The following CCDC6 variants were observed in gnomAD, a reference collection of about 807,000 sequenced individuals.
CCDC6 encodes the protein coiled-coil domain-containing protein 6.
Under a neutral mutation model 56.6 loss-of-function variants are expected in CCDC6, and 20 were observed. The ratio of observed to expected loss-of-function variants is 0.35; its 90% CI spans 0.25 to 0.51. CCDC6 has a LOEUF of 0.51. CCDC6 is among the 20% of genes least tolerant of loss of function. The pLI is 0.95. For synonymous variants in CCDC6, 241 were observed against 234.4 expected (o/e 1.03, Z -0.26); for missense variants, 367 against 601.1 (o/e 0.61, Z 4.07).
At chr10:59,842,947 G>GT (rs2070953942) in intron 2 of CCDC6, among the ~76,000 whole-genome samples, 1 of 151,998 alleles carries the variant, frequency 6.6e-6, no homozygotes, top group Admixed American at 6.5e-5. Context: ...TAGAGACGGG[G>GT]TTTCACCGTG....
At chr10:59,856,345 TAAA>T (rs59039796) in intron 1 of CCDC6, among the ~76,000 whole-genome samples, 88 of 137,606 alleles carry the variant, frequency 6.4e-4, no homozygotes, top group Middle Eastern at 3.9e-3. Flanking sequence ...CAGCCTTAGG[TAAA>T]AAAAAAAAAA....
intron 1 of CCDC6, among the ~76,000 whole-genome samples, chr10:59,876,954 A>G (rs1205575850): frequency 1.3e-5 from 2 of 152,200 alleles, no homozygotes; most frequent in Non-Finnish European, 2.9e-5. Context: ...CTACACACCT[A>G]GGCTATGTGG....
chr10:59,865,755 A>C (rs1443926033), intron 1 of CCDC6, among the ~76,000 whole-genome samples: 3 of 150,656 alleles, frequency 2.0e-5, no homozygotes, highest in African/African-American at 7.3e-5. Context: ...AGGAGGCTAA[A>C]GCAGGAGAAT....
chr10:59,838,228 T>TCACA (rs111779783), intron 2 of CCDC6, among the ~76,000 whole-genome samples: 10,030 of 151,152 alleles, frequency 0.066, 409 homozygotes, highest in African/African-American at 0.11. Flanking sequence ...ATAACAGCTG[T>TCACA]CACACACACA....
intron 1 of CCDC6, among the ~76,000 whole-genome samples, chr10:59,854,275 G>A (rs943196934): frequency 1.3e-5 from 2 of 152,086 alleles, no homozygotes; most frequent in East Asian, 1.9e-4. Flanking sequence ...TAATATCCAC[G>A]GTTTCTGTGG....
At chr10:59,802,581 T>G (rs555406581) in intron 7 of CCDC6, among the ~76,000 whole-genome samples, 1 of 152,156 alleles carries the variant, frequency 6.6e-6, no homozygotes, top group Non-Finnish European at 1.5e-5. Flanking sequence ...TAAAACAGGA[T>G]AAAAATATTC....
At chr10:59,887,860 C>A (rs1292530580) in intron 1 of CCDC6, among the ~76,000 whole-genome samples, 2 of 151,962 alleles carry the variant, frequency 1.3e-5, no homozygotes, top group South Asian at 2.1e-4. Flanking sequence ...GAGAAAGAAC[C>A]CTAGCCTGGA....
In CCDC6 at chr10:59,848,223, G is replaced by A. The variant is rs141207959; in HGVS notation, c.453+4330C>T. On this transcript the variant is annotated intron_variant, in intron 2 of 8. Coordinates refer to ENST00000263102, the MANE Select transcript of CCDC6 (RefSeq NM_005436.5). The stretch of plus-strand genomic sequence containing the variant: ...CACTGGGTAAGTAATTTTCTTACTT[G>A]TTCTTAACTAATCTCTTTTAAAGTA... Among the ~76,000 whole-genome samples, 57 of 152,232 alleles carry A rather than the reference G, an allele frequency of 3.7e-4. 1 individual carries two copies. The highest frequency in any genetic ancestry group is 1.3e-3 in the African/African-American group (56 of 41,530).
chr10:59,873,923 G>C lies in CCDC6; in HGVS notation c.304-21221C>G, dbSNP rs539478369. On this transcript the variant is annotated intron_variant, in intron 1 of 8. Coordinates refer to ENST00000263102, the MANE Select transcript of CCDC6 (RefSeq NM_005436.5). ...CATCTTAAATCTTCTATATGAGAAT[G>C]AATGTTCCCCATTCCTATGATGTTG... Among the ~76,000 whole-genome samples the C allele has an allele frequency of 3.3e-5, 5 of 152,256 alleles. No homozygotes were observed. The South Asian group carries it at 1.0e-3, about 32-fold the overall frequency.
At chr10:59,807,571 A>G (rs562763361) in intron 5 of CCDC6, among the ~76,000 whole-genome samples, 28 of 152,250 alleles carry the variant, frequency 1.8e-4, no homozygotes, top group Non-Finnish European at 3.4e-4. Flanking sequence ...TCTCAAGTAT[A>G]AAAGTTTACC....
intron 1 of CCDC6, among the ~76,000 whole-genome samples, chr10:59,880,573 G>A (rs114501906): frequency 1.9e-4 from 29 of 152,304 alleles, no homozygotes; most frequent in African/African-American, 6.7e-4. Context: ...TGATCTGGGT[G>A]CAAGTTACAC....
chr10:59,903,452 T>TA (rs2071519193), intron 1 of CCDC6, among the ~76,000 whole-genome samples: 1 of 152,006 alleles, frequency 6.6e-6, no homozygotes, highest in South Asian at 2.1e-4. Flanking sequence ...AAAAGTGCTC[T>TA]AAAAAAATAA....
chr10:59,883,592 C>T (rs1408605176), intron 1 of CCDC6, among the ~76,000 whole-genome samples: 1 of 152,202 alleles, frequency 6.6e-6, no homozygotes, highest in Non-Finnish European at 1.5e-5. Context: ...TAATGAATCA[C>T]AAAGTTTTAC....
intron 1 of CCDC6, among the ~76,000 whole-genome samples, chr10:59,869,482 A>G (rs1468275983): frequency 6.6e-6 from 1 of 151,524 alleles, no homozygotes; most frequent in Non-Finnish European, 1.5e-5. Context: ...AGCAAGAAGT[A>G]AGCCTTGGTT....
At position 59,792,921 on chromosome 10, in the gene CCDC6, G is replaced by C. The variant is rs777400554; in HGVS notation, c.1421C>G (p.Pro474Arg). 1 of 1,610,434 alleles carries C rather than the reference G, an allele frequency of 6.2e-7. No individual in the cohort carries two copies. Among genetic ancestry groups the C allele is most frequent in the Admixed American group, 1.7e-5 (1 of 59,816 alleles). ...AATTCAGACTAAGCTCATGCATTAA[G>C]GCTGGGAGGAGGGGTGCGCCGAATG... The part of the protein sequence containing the change: ...SQHSAHPSSQ[P>R] The change falls in exon 9 of 9, where the codon CCT (proline) becomes CGT (arginine). Residue 474 changes from proline (P) to arginine (R), a missense_variant. By Grantham distance (103) the Pro-to-Arg change is moderately radical. This residue lies in a region of CCDC6 where 54 missense variants were observed against 60.0 expected (regional missense o/e 0.90). Transcript: ENST00000263102.
At chr10:59,830,041 A>G (rs1012409793) in intron 3 of CCDC6, among the ~76,000 whole-genome samples, 6 of 152,228 alleles carry the variant, frequency 3.9e-5, no homozygotes, top group Non-Finnish European at 7.3e-5. Flanking sequence ...TCTGAAATAC[A>G]GAGGACCACT....
chr10:59,824,301 C>A (rs1469555537), intron 3 of CCDC6, among the ~76,000 whole-genome samples: 2 of 152,128 alleles, frequency 1.3e-5, no homozygotes, highest in African/African-American at 4.8e-5. Flanking sequence ...TTCATCACAT[C>A]CCAAAAAATG....
At chr10:59,814,410 T>C (rs1589038320) in intron 4 of CCDC6, among the ~76,000 whole-genome samples, 1 of 152,330 alleles carries the variant, frequency 6.6e-6, no homozygotes, top group African/African-American at 2.4e-5. Context: ...AATTCTCTCA[T>C]AGCCTTGTAA....
At chr10:59,903,487 C>G (rs945240399) in intron 1 of CCDC6, among the ~76,000 whole-genome samples, 1 of 151,920 alleles carries the variant, frequency 6.6e-6, no homozygotes, top group African/African-American at 2.4e-5. Flanking sequence ...CAAAACAAGT[C>G]GGGGGAAAAA....
Sources: gnomAD v4.1 joint callset for allele counts (sites outside exome capture counted in the v4.1 genomes callset) on GRCh38, gnomAD v4.1.1 for gene constraint, gnomAD v4.1.1 regional missense constraint, MANE v1.5 for transcripts, NCBI Gene and HGNC (gene_info 2026-07-23, HGNC 2026-07-21) for gene names.